Variants in DCAF8L2 observed in about 807,000 individuals in gnomAD.
DCAF8L2 encodes DDB1- and CUL4-associated factor 8-like protein 2.
For missense variants in DCAF8L2, 430 were observed against 490.7 expected, an observed-to-expected ratio of 0.88 and a Z score of 1.17; for synonymous variants, 200 against 190.9, an observed-to-expected ratio of 1.05 and a Z score of -0.39.
upstream of DCAF8L2, among the ~76,000 whole-genome samples, chrX:27,587,652 T>C (rs767848068): frequency 3.6e-5 from 4 of 111,602 alleles, no homozygotes; most frequent in Non-Finnish European, 5.7e-5. Context: ...ATTGAACTAA[T>C]ATATGAAGGA....
chrX:27,514,674 A>C, the DCAF8L2 span, among the ~76,000 whole-genome samples: 2 of 70,176 alleles, frequency 2.8e-5, no homozygotes, highest in Admixed American at 1.6e-4. Context: ...GTCTCAAAAA[A>C]AAAAAAAAAA....
the DCAF8L2 span, among the ~76,000 whole-genome samples, chrX:27,545,090 A>G: frequency 8.9e-6 from 1 of 111,745 alleles, no homozygotes; most frequent in South Asian, 3.8e-4. Context: ...AGAAGCTGGA[A>G]AAAACATGGC....
chrX:27,551,174 A>G, the DCAF8L2 span, among the ~76,000 whole-genome samples: 3 of 108,971 alleles, frequency 2.8e-5, no homozygotes, highest in Admixed American at 2.0e-4. Context: ...AATTAGGCAT[A>G]TTAATCACTC....
chrX:27,542,886 A>T, the DCAF8L2 span, among the ~76,000 whole-genome samples: 374 of 110,480 alleles, frequency 3.4e-3, 1 homozygote, highest in African/African-American at 0.011. Flanking sequence ...TGGATACTAG[A>T]CCTTTGTTGG....
At chrX:27,738,050 A>G (rs934661155) in intron 4 of DCAF8L2, among the ~76,000 whole-genome samples, 7 of 111,410 alleles carry the variant, frequency 6.3e-5, no homozygotes, top group Admixed American at 5.7e-4. Context: ...CAGATTAATA[A>G]CCCATCTTTT....
chrX:27,670,526 G>A (rs1043752015), intron 2 of DCAF8L2, among the ~76,000 whole-genome samples: 1 of 111,435 alleles, frequency 9.0e-6, no homozygotes, highest in Non-Finnish European at 1.9e-5. Flanking sequence ...TGTGACGGGT[G>A]CTGATAGAAT....
chrX:27,547,871 T>TCTCTCTC, the DCAF8L2 span, among the ~76,000 whole-genome samples: 2 of 19,273 alleles, frequency 1.0e-4, no homozygotes, highest in Non-Finnish European at 2.0e-4. Context: ...CTCTCTCTCT[T>TCTCTCTC]TCTCTCTCTC....
At chrX:27,732,225 C>A (rs888816564) in intron 4 of DCAF8L2, among the ~76,000 whole-genome samples, 1 of 111,297 alleles carries the variant, frequency 9.0e-6, no homozygotes, top group Non-Finnish European at 1.9e-5. Flanking sequence ...TACATAAGAT[C>A]TCTGGAATTC....
the DCAF8L2 span, among the ~76,000 whole-genome samples, chrX:27,560,534 G>C: frequency 9.0e-6 from 1 of 111,695 alleles, no homozygotes; most frequent in Non-Finnish European, 1.9e-5. Context: ...ATGTAACGGT[G>C]ATAGCTACTA....
At chrX:27,710,003 T>C (rs1189942349) in intron 3 of DCAF8L2, among the ~76,000 whole-genome samples, 1 of 111,647 alleles carries the variant, frequency 9.0e-6, no homozygotes, top group Non-Finnish European at 1.9e-5. Context: ...ATGAAATGTA[T>C]TTTGAGTTAA....
intron 3 of DCAF8L2, among the ~76,000 whole-genome samples, chrX:27,715,408 T>C (rs191238440): frequency 7.4e-5 from 8 of 108,555 alleles, no homozygotes. Flanking sequence ...AGATCTATTC[T>C]TGAAATCTGT....
At chrX:27,671,901 G>A (rs753412566) in intron 2 of DCAF8L2, among the ~76,000 whole-genome samples, 1 of 111,804 alleles carries the variant, frequency 8.9e-6, no homozygotes, top group Non-Finnish European at 1.9e-5. Context: ...GAAATCTCAA[G>A]GCATGTCAAT....
At chrX:27,515,666 A>C in the DCAF8L2 span, among the ~76,000 whole-genome samples, 5 of 112,700 alleles carry the variant, frequency 4.4e-5, no homozygotes, top group Admixed American at 1.9e-4. Flanking sequence ...AATAGATCAT[A>C]AACAGCAAAA....
the DCAF8L2 span, among the ~76,000 whole-genome samples, chrX:27,534,388 C>T: frequency 1.5e-4 from 17 of 111,417 alleles, no homozygotes; most frequent in Non-Finnish European, 1.9e-5. Context: ...TAGATAGATA[C>T]ATATATACGT....
At chrX:27,728,871 T>A in intron 4 of DCAF8L2, among the ~76,000 whole-genome samples, 2 of 111,681 alleles carry the variant, frequency 1.8e-5, no homozygotes, top group Middle Eastern at 4.6e-3. Flanking sequence ...TAGCATATCA[T>A]CTAATATTAA....
At chrX:27,685,498 A>C (rs1037407230) in intron 3 of DCAF8L2, among the ~76,000 whole-genome samples, 1 of 111,925 alleles carries the variant, frequency 8.9e-6, no homozygotes, top group Admixed American at 9.5e-5. Context: ...CCTCTTTCAT[A>C]GATGGTTCTG....
At chrX:27,653,647 G>T (rs780324073) in intron 2 of DCAF8L2, among the ~76,000 whole-genome samples, 1 of 108,054 alleles carries the variant, frequency 9.3e-6, no homozygotes, top group Non-Finnish European at 1.9e-5. Context: ...ACTCAATCCA[G>T]CTCCAAATAA....
At chrX:27,722,953 T>G (rs946664870) in intron 4 of DCAF8L2, among the ~76,000 whole-genome samples, 7 of 110,677 alleles carry the variant, frequency 6.3e-5, no homozygotes, top group African/African-American at 2.3e-4. Flanking sequence ...AAATTAGTAT[T>G]CAAAAATCAA....
At chrX:27,716,339 TA>T (rs2147290746) in intron 4 of DCAF8L2, among the ~76,000 whole-genome samples, 168 bp downstream of exon 4, 1 of 112,516 alleles carries the variant, frequency 8.9e-6, no homozygotes, top group South Asian at 3.7e-4. Flanking sequence ...GTGAAGGCAT[TA>T]CAAATAATAG....
Sources: gnomAD v4.1 joint callset for allele counts (sites outside exome capture counted in the v4.1 genomes callset) on GRCh38, gnomAD v4.1.1 for gene constraint, MANE v1.5 for transcripts, NCBI Gene and HGNC (gene_info 2026-07-23, HGNC 2026-07-21) for gene names.